NLGN4X: variants seen among roughly 807,000 people sequenced by gnomAD.
The protein encoded by NLGN4X is neuroligin-4, X-linked.
A neutral mutation model predicts 40.3 loss-of-function variants in NLGN4X; 3 were observed. The observed-to-expected ratio is 0.07, with a 90% confidence interval of 0.03 to 0.19. The LOEUF (loss-of-function observed/expected upper bound fraction) is 0.19. Among genes scored for constraint, NLGN4X ranks in the 10% least tolerant of loss-of-function variants. The pLI is 1.00. For missense variants in NLGN4X, 382 were observed against 708.3 expected (o/e 0.54, Z 5.23); for synonymous variants, 270 against 306.8 (o/e 0.88, Z 1.25).
At chrX:6,016,026 A>G (rs1569187067) in intron 3 of NLGN4X, among the ~76,000 whole-genome samples, 1 of 112,114 alleles carries the variant, frequency 8.9e-6, no homozygotes, top group African/African-American at 3.2e-5. Flanking sequence ...ATACTACTTA[A>G]AAGTACCCCT....
chrX:5,932,204 G>A (rs2033571283), intron 3 of NLGN4X, among the ~76,000 whole-genome samples: 1 of 111,670 alleles, frequency 9.0e-6, no homozygotes, highest in African/African-American at 3.3e-5. Context: ...GGCTCCTTTA[G>A]AGAGTTTAAA....
At chrX:6,003,226 G>C (rs918722726) in intron 3 of NLGN4X, among the ~76,000 whole-genome samples, 7 of 111,906 alleles carry the variant, frequency 6.3e-5, no homozygotes, top group Non-Finnish European at 1.3e-4. Context: ...TTAACAAAAG[G>C]GGGTGGGCTA....
intron 2 of NLGN4X, among the ~76,000 whole-genome samples, chrX:6,130,511 C>T (rs1046201972): frequency 8.9e-6 from 1 of 112,681 alleles, no homozygotes; most frequent in African/African-American, 3.2e-5. Context: ...GTTTCATGCA[C>T]TCACAATAAA....
rs891753276 is a variant in NLGN4X, at chrX:5,903,962, T to C, written c.812-96A>G. ...GAAGGCTGTGATTGTCTCTCAGGCA[T>C]GTGAGTTTCTGGATGTAGTAGCATT... On this transcript the variant is annotated intron_variant, in intron 4 of 5. Transcript: ENST00000381095. 22 of 1,052,202 alleles carry C rather than the reference T, an allele frequency of 2.1e-5. No homozygotes were observed. In the African/African-American group the frequency reaches 3.0e-4, roughly 14 times the overall value. The allele number at this position is 1,052,202 out of a possible 1,213,427, so 86.7% of individuals were successfully genotyped here.
chrX:6,068,041 T>C (rs2037967707), intron 2 of NLGN4X, among the ~76,000 whole-genome samples: 1 of 111,797 alleles, frequency 8.9e-6, no homozygotes, highest in Non-Finnish European at 1.9e-5. Context: ...GTCTACCGTA[T>C]AGTTTTAGGT....
intron 1 of NLGN4X, among the ~76,000 whole-genome samples, chrX:6,154,220 A>C (rs2040217743): frequency 8.9e-6 from 1 of 112,083 alleles, no homozygotes. Flanking sequence ...CAGGGGCCAA[A>C]ACCACCCTCA....
chrX:5,902,946 A>C (rs748810610), intron 5 of NLGN4X, 131 bp downstream of exon 5: 2 of 704,698 alleles, frequency 2.8e-6, no homozygotes, highest in Non-Finnish European at 4.5e-6. Flanking sequence ...GTCTGTGTGT[A>C]TGTGTGTGCA....
chrX:6,119,073 C>T (rs754150002), intron 2 of NLGN4X, among the ~76,000 whole-genome samples: 3 of 112,137 alleles, frequency 2.7e-5, no homozygotes, highest in Non-Finnish European at 5.6e-5. Flanking sequence ...GCAGGAATCA[C>T]GATCTGAAAT....
intron 2 of NLGN4X, among the ~76,000 whole-genome samples, chrX:6,099,845 G>A (rs1217925649): frequency 9.0e-6 from 1 of 111,715 alleles, no homozygotes; most frequent in Non-Finnish European, 1.9e-5. Context: ...TGTTAAGCCA[G>A]TAGAAAATGT....
At chrX:6,126,501 T>C (rs1272728259) in intron 2 of NLGN4X, among the ~76,000 whole-genome samples, 1 of 111,941 alleles carries the variant, frequency 8.9e-6, no homozygotes, top group Non-Finnish European at 1.9e-5. Context: ...TCAAAAAAGA[T>C]GGCTGAACAT....
intron 1 of NLGN4X, among the ~76,000 whole-genome samples, chrX:6,202,510 G>A (rs1210582305): frequency 1.8e-5 from 2 of 108,436 alleles, no homozygotes; most frequent in African/African-American, 6.7e-5. Context: ...ACTAATTTTT[G>A]TACTTTGTGT....
At chrX:6,082,291 T>C (rs2038368031) in intron 2 of NLGN4X, among the ~76,000 whole-genome samples, 1 of 110,729 alleles carries the variant, frequency 9.0e-6, no homozygotes, top group Non-Finnish European at 1.9e-5. Context: ...ATCCCAGCAC[T>C]ATAGAAGGCT....
intron 2 of NLGN4X, among the ~76,000 whole-genome samples, chrX:6,139,473 T>C (rs56002996): frequency 0.12 from 13,042 of 111,588 alleles, 588 homozygotes; most frequent in Admixed American, 0.15. Flanking sequence ...CTCCCCAGTT[T>C]TGCATCTTTT....
chrX:6,162,568 G>T (rs2040421726), intron 1 of NLGN4X, among the ~76,000 whole-genome samples: 1 of 111,651 alleles, frequency 9.0e-6, no homozygotes, highest in African/African-American at 3.3e-5. Context: ...TTCAGCTTTG[G>T]GATTCGGACT....
chrX:5,937,849 G>C (rs778751024), intron 3 of NLGN4X, among the ~76,000 whole-genome samples: 12 of 112,021 alleles, frequency 1.1e-4, no homozygotes, highest in African/African-American at 3.6e-4. Context: ...CAGAGATTAT[G>C]GATGAAAGTT....
chrX:5,941,167 T>G (rs2146905709), intron 3 of NLGN4X, among the ~76,000 whole-genome samples: 1 of 79,448 alleles, frequency 1.3e-5, no homozygotes, highest in African/African-American at 4.7e-5. Context: ...TTGTTCTGGA[T>G]CGTATGCTAG....
At chrX:5,940,953 A>C (rs927604079) in intron 3 of NLGN4X, among the ~76,000 whole-genome samples, 1 of 108,195 alleles carries the variant, frequency 9.2e-6, no homozygotes, top group African/African-American at 3.4e-5. Context: ...TGTCTCCACA[A>C]AAAAAAAAGT....
At chrX:6,126,981 T>G (rs1414409404) in intron 2 of NLGN4X, among the ~76,000 whole-genome samples, 1 of 76,993 alleles carries the variant, frequency 1.3e-5, no homozygotes, top group Non-Finnish European at 2.5e-5. Flanking sequence ...CTTGTACTAT[T>G]TTGTGGGGGG....
At chrX:6,176,494 A>G (rs900063006) in intron 1 of NLGN4X, among the ~76,000 whole-genome samples, 1 of 112,615 alleles carries the variant, frequency 8.9e-6, no homozygotes, top group Non-Finnish European at 1.9e-5. Flanking sequence ...AGAGGCAGGT[A>G]GAATTAAGGT....
Sources: gnomAD v4.1 joint callset for allele counts (sites outside exome capture counted in the v4.1 genomes callset) on GRCh38, gnomAD v4.1.1 for gene constraint, MANE v1.5 for transcripts, NCBI Gene and HGNC (gene_info 2026-07-23, HGNC 2026-07-21) for gene names.